Variants in SSBP3 observed in about 807,000 individuals in gnomAD.
The protein encoded by SSBP3 is single stranded DNA binding protein 3.
In SSBP3, 5 loss-of-function variants were observed where a neutral mutation model predicts 69.6. The observed-to-expected ratio is 0.07, with a 90% CI of 0.04 to 0.15. The LOEUF (loss-of-function observed/expected upper bound fraction) is 0.15. Among genes scored for constraint, SSBP3 ranks in the 10% least tolerant of loss-of-function variants. The probability of loss-of-function intolerance (pLI) is 1.00; values close to 1 mark genes in which losing one functional copy is unlikely to be tolerated. For missense variants in SSBP3, 312 were observed against 534.0 expected, an observed-to-expected ratio of 0.58 and a Z score of 4.10; for synonymous variants, 196 against 193.4, an observed-to-expected ratio of 1.01 and a Z score of -0.11.
chr1:54,267,330 T>C (rs1249868381), intron 5 of SSBP3, among the ~76,000 whole-genome samples: 2 of 152,214 alleles, frequency 1.3e-5, no homozygotes, highest in Non-Finnish European at 2.9e-5. Context: ...CACCTCTATC[T>C]GGCAGTCACT....
chr1:54,282,395 C>A (rs1242754236), intron 4 of SSBP3, among the ~76,000 whole-genome samples: 1 of 152,234 alleles, frequency 6.6e-6, no homozygotes, highest in African/African-American at 2.4e-5. Flanking sequence ...AGAGCGTGTT[C>A]TTGGCCCTGC....
intron 4 of SSBP3, among the ~76,000 whole-genome samples, chr1:54,323,031 C>A (rs915920317): frequency 1.3e-5 from 2 of 152,232 alleles, no homozygotes; most frequent in African/African-American, 4.8e-5. Flanking sequence ...CAGGAGGAGA[C>A]TCCAAACTTC....
At chr1:54,388,522 T>C (rs967165525) in intron 4 of SSBP3, among the ~76,000 whole-genome samples, 2 of 152,206 alleles carry the variant, frequency 1.3e-5, no homozygotes, top group South Asian at 2.1e-4. Context: ...TGCTACAAAT[T>C]AGGAAAGAAA....
At chr1:54,348,247 C>CGGGGGG (rs34214298) in intron 4 of SSBP3, among the ~76,000 whole-genome samples, 26 of 39,370 alleles carry the variant, frequency 6.6e-4, no homozygotes, top group African/African-American at 6.9e-4. Flanking sequence ...GCATGGGGGG[C>CGGGGGG]GGGGGGGGGG....
At chr1:54,406,958 G>GCCCGC (rs1198806070), upstream of SSBP3, among the ~76,000 whole-genome samples, 1 of 151,084 alleles carries the variant, frequency 6.6e-6, no homozygotes, top group Non-Finnish European at 1.5e-5. Flanking sequence ...CCGGCCCCCA[G>GCCCGC]CCCGCCCCGC....
At chr1:54,241,357 G>A (rs949490301) in intron 12 of SSBP3, 117 bp downstream of exon 12, 7 of 1,172,532 alleles carry the variant, frequency 6.0e-6, no homozygotes, top group Middle Eastern at 1.9e-4. Context: ...CTAGCAGTTT[G>A]GAACCTCTGC....
chr1:54,404,312 CCA>C (rs1465881623), intron 3 of SSBP3, among the ~76,000 whole-genome samples: 4 of 152,182 alleles, frequency 2.6e-5, no homozygotes, highest in African/African-American at 9.7e-5. Flanking sequence ...GCCTAGAGCC[CCA>C]GAGTGAAATG....
chr1:54,228,656 G>A, intron 15 of SSBP3, 92 bp downstream of exon 15: 3 of 1,499,200 alleles, frequency 2.0e-6, no homozygotes, highest in Non-Finnish European at 1.8e-6. Flanking sequence ...GGCCGGCCAG[G>A]GCTCTGTACC....
At chr1:54,226,843 G>A (rs1261305244) in exon 18 of SSBP3, 9 of 428,752 alleles carry the variant, frequency 2.1e-5, no homozygotes, top group Non-Finnish European at 3.9e-5. Context: ...TACAGAAAAG[G>A]TCCTTTGGGG....
chr1:54,376,899 G>A (rs1410270655), intron 4 of SSBP3, among the ~76,000 whole-genome samples: 1 of 152,172 alleles, frequency 6.6e-6, no homozygotes, highest in Admixed American at 6.5e-5. Context: ...CTGTGACCAA[G>A]TCATGACCAT....
intron 4 of SSBP3, among the ~76,000 whole-genome samples, chr1:54,354,335 G>A (rs535937385): frequency 6.6e-6 from 1 of 152,308 alleles, no homozygotes; most frequent in East Asian, 1.9e-4. Context: ...AGTGAGGCAA[G>A]TCTTTCCACC....
intron 7 of SSBP3, among the ~76,000 whole-genome samples, chr1:54,256,724 C>T (rs190026195): frequency 4.7e-4 from 72 of 152,294 alleles, no homozygotes; most frequent in Non-Finnish European, 8.5e-4. Flanking sequence ...CTTGGCAATT[C>T]TCAAAAGCTT....
chr1:54,270,527 A>G (rs1355914790), intron 5 of SSBP3, among the ~76,000 whole-genome samples: 1 of 152,226 alleles, frequency 6.6e-6, no homozygotes, highest in East Asian at 1.9e-4. Flanking sequence ...AGGGTTAAAC[A>G]CTAAAAAGCT....
At chr1:54,404,816 G>GGT (rs1649584944) in intron 2 of SSBP3, 42 bp downstream of exon 2, 2 of 1,065,738 alleles carry the variant, frequency 1.9e-6, no homozygotes, top group Non-Finnish European at 2.8e-6. Flanking sequence ...AGTGGGGGGG[G>GGT]GGGGTGTCAA....
intron 14 of SSBP3, among the ~76,000 whole-genome samples, chr1:54,230,928 A>G (rs997007217): frequency 6.6e-6 from 1 of 152,226 alleles, no homozygotes; most frequent in African/African-American, 2.4e-5. Context: ...AGGAACGTTC[A>G]GGTTATTTTC....
At chr1:54,305,168 T>G (rs1327840996) in intron 4 of SSBP3, among the ~76,000 whole-genome samples, 1 of 152,184 alleles carries the variant, frequency 6.6e-6, no homozygotes, top group Non-Finnish European at 1.5e-5. Flanking sequence ...GGGCTCTTTC[T>G]TAACTAAGTA....
intron 4 of SSBP3, among the ~76,000 whole-genome samples, chr1:54,346,688 A>G (rs1646695983): frequency 6.6e-6 from 1 of 151,456 alleles, no homozygotes; most frequent in Non-Finnish European, 1.5e-5. Flanking sequence ...GGTCGTGGGC[A>G]CCTGTAGTCC....
chr1:54,327,747 T>G (rs1435931696), intron 4 of SSBP3, among the ~76,000 whole-genome samples: 1 of 152,176 alleles, frequency 6.6e-6, no homozygotes, highest in African/African-American at 2.4e-5. Flanking sequence ...AGTTATCCTG[T>G]TCTGCAACTG....
At chr1:54,282,060 A>AATAATAATG (rs2100884025) in intron 4 of SSBP3, among the ~76,000 whole-genome samples, 1 of 150,884 alleles carries the variant, frequency 6.6e-6, no homozygotes, top group African/African-American at 2.4e-5. Context: ...TAATAATAAT[A>AATAATAATG]ATAATAATAA....
Sources: allele counts gnomAD v4.1 joint callset (sites outside exome capture counted in the v4.1 genomes callset), GRCh38; gene constraint gnomAD v4.1.1; transcripts MANE v1.5; gene names NCBI Gene and HGNC (gene_info 2026-07-23, HGNC 2026-07-21).